Variants in SMIM14 observed in about 807,000 individuals in gnomAD.
SMIM14 encodes chromosome 4 open reading frame 34.
A neutral mutation model predicts 12.6 loss-of-function variants in SMIM14; 5 were observed. The ratio of observed to expected loss-of-function variants is 0.40; its 90% CI spans 0.21 to 0.83. SMIM14 has a LOEUF of 0.83. Among genes scored for constraint, SMIM14 ranks in the 40% least tolerant of loss-of-function variants. The pLI, the probability that SMIM14 is intolerant of heterozygous loss-of-function variation, is 0.37. For synonymous variants in SMIM14, 30 were observed against 40.1 expected (o/e 0.75, Z 0.95); for missense variants, 86 against 119.1 (o/e 0.72, Z 1.29).
intron 2 of SMIM14, 35 bp from the exon 3 acceptor site, chr4:39,572,498 A>G (rs1409023193): frequency 1.3e-6 from 2 of 1,558,154 alleles, no homozygotes; most frequent in South Asian, 2.2e-5. Flanking sequence ...TAGTGATTAG[A>G]CTTAAACAAA....
At chr4:39,621,331 GA>G (rs77631059) in intron 1 of SMIM14, among the ~76,000 whole-genome samples, 16,443 of 151,942 alleles carry the variant, frequency 0.11, 1,428 homozygotes, top group South Asian at 0.3. Context: ...AGAATTAGGG[GA>G]AAAAAACTCC....
At position 39,627,987 on chromosome 4, in the gene SMIM14, C is replaced by T. The variant is rs147522392; in HGVS notation, c.-36+10752G>A. ...AAGAGGGCACATGTCATCAGGACCTCCTGTGTCATGGAGAGAAAATTTTTT... is the reference window on the plus strand; with the variant it reads ...AAGAGGGCACATGTCATCAGGACCTTCTGTGTCATGGAGAGAAAATTTTTT... On this transcript the variant is annotated intron_variant, in intron 1 of 4. Transcript: ENST00000295958. 1.5e-3 allele frequency among the ~76,000 whole-genome samples: 234 copies of T among 152,258 alleles called. 3 individuals carry two copies. Among genetic ancestry groups the T allele is most frequent in the African/African-American group, 5.3e-3 (220 of 41,558 alleles).
At chr4:39,593,094 C>T (rs1307596077) in intron 2 of SMIM14, 4 of 151,642 alleles carry the variant, frequency 2.6e-5, no homozygotes, top group Non-Finnish European at 5.9e-5. Context: ...GGCAGAGACA[C>T]AACCAAAAAA....
At chr4:39,609,856 C>T (rs1217999187) in intron 1 of SMIM14, among the ~76,000 whole-genome samples, 2 of 152,150 alleles carry the variant, frequency 1.3e-5, no homozygotes, top group Non-Finnish European at 2.9e-5. Context: ...GCGACAACGG[C>T]GGGGCTCCTT....
intron 2 of SMIM14, among the ~76,000 whole-genome samples, chr4:39,584,726 G>A (rs1332205374): frequency 1.4e-5 from 2 of 139,058 alleles, no homozygotes; most frequent in African/African-American, 5.3e-5. Context: ...AACCTAGGAG[G>A]CAGAGGTTGC....
At position 39,638,810 on chromosome 4, in the gene SMIM14, G is replaced by T. The variant is rs1184330743; in HGVS notation, c.-107C>A. The T allele has an allele frequency of 2.0e-6, 2 of 985,690 alleles. No individual in the cohort carries two copies. The highest frequency in any genetic ancestry group is 3.5e-5 in the African/African-American group (2 of 57,246). 61.1% of individuals were successfully genotyped at this position (985,690 alleles called of 1,614,324 possible). A position where few individuals can be genotyped will look rare whatever the true frequency, so the allele number is the denominator to read the frequency against. On this transcript the variant is annotated 5_prime_UTR_variant, in exon 1 of 5. Coordinates refer to ENST00000295958, the MANE Select transcript of SMIM14 (RefSeq NM_174921.3). The stretch of plus-strand genomic sequence containing the variant: ...CGAGGCTCGGCAGAAAGACCGCCTG[G>T]AGCTTCCAGAAGGCTGCGGCTGCTC...
intron 2 of SMIM14, among the ~76,000 whole-genome samples, chr4:39,599,099 C>A (rs754819126): frequency 6.6e-6 from 1 of 152,216 alleles, no homozygotes; most frequent in Non-Finnish European, 1.5e-5. Context: ...TGGCTGGATA[C>A]AGAATGCTGG....
intron 2 of SMIM14, among the ~76,000 whole-genome samples, chr4:39,587,529 A>G (rs1319110982): frequency 6.6e-6 from 1 of 150,982 alleles, no homozygotes; most frequent in Non-Finnish European, 1.5e-5. Flanking sequence ...AAATTCTAGA[A>G]AGATGTGTGT....
chr4:39,592,267 CTT>C (rs34640338), intron 2 of SMIM14, among the ~76,000 whole-genome samples: 252 of 131,570 alleles, frequency 1.9e-3, no homozygotes, highest in African/African-American at 5.3e-3. Flanking sequence ...TCATTTGCCT[CTT>C]TTTTTTTTTT....
At chr4:39,634,833 T>TG (rs897065860) in intron 1 of SMIM14, among the ~76,000 whole-genome samples, 4 of 151,522 alleles carry the variant, frequency 2.6e-5, no homozygotes, top group Admixed American at 1.3e-4. Context: ...GACTTTTCCA[T>TG]GGGAAAAAAA....
intron 2 of SMIM14, among the ~76,000 whole-genome samples, chr4:39,583,448 A>G (rs1403202954): frequency 6.6e-6 from 1 of 152,008 alleles, no homozygotes; most frequent in Non-Finnish European, 1.5e-5. Context: ...CAGGTCATTC[A>G]TTCCAAATTG....
intron 3 of SMIM14, among the ~76,000 whole-genome samples, chr4:39,566,122 G>A (rs545301289): frequency 3.3e-5 from 5 of 150,608 alleles, no homozygotes; most frequent in South Asian, 2.1e-4. Context: ...ATTAACATAC[G>A]AGATGATGAT....
intron 3 of SMIM14, among the ~76,000 whole-genome samples, chr4:39,566,015 C>T (rs1712553629): frequency 6.6e-6 from 1 of 151,618 alleles, no homozygotes; most frequent in Non-Finnish European, 1.5e-5. Flanking sequence ...TCCAATAAAC[C>T]CTTTTCTTTC....
chr4:39,563,071 T>G (rs898215540), intron 3 of SMIM14, among the ~76,000 whole-genome samples: 7 of 151,976 alleles, frequency 4.6e-5, no homozygotes, highest in African/African-American at 1.7e-4. Flanking sequence ...TTTTTTTTAT[T>G]TTTTTTGAGA....
chr4:39,617,187 T>G (rs1267292503), intron 1 of SMIM14, among the ~76,000 whole-genome samples: 4 of 152,180 alleles, frequency 2.6e-5, no homozygotes, highest in Non-Finnish European at 5.9e-5. Flanking sequence ...AATGCTGATG[T>G]CAAAACTCCA....
chr4:39,554,329 C>T (rs1356655122), intron 4 of SMIM14, among the ~76,000 whole-genome samples: 2 of 152,100 alleles, frequency 1.3e-5, no homozygotes, highest in African/African-American at 4.8e-5. Context: ...AAAAATTAGC[C>T]AGGTGTGGTG....
intron 1 of SMIM14, among the ~76,000 whole-genome samples, chr4:39,626,932 G>T (rs1259964382): frequency 6.6e-6 from 1 of 152,136 alleles, no homozygotes; most frequent in African/African-American, 2.4e-5. Context: ...TTTCTCAGGT[G>T]CCTTAGTCTA....
intron 1 of SMIM14, among the ~76,000 whole-genome samples, chr4:39,638,008 ACT>A (rs1331638035): frequency 3.3e-5 from 5 of 151,906 alleles, no homozygotes; most frequent in African/African-American, 1.2e-4. Flanking sequence ...CATCCTACCG[ACT>A]CTCTACAGCT....
Position 39,556,559 on chromosome 4 carries a change from AG to A in SMIM14, c.135del (p.Ser46LeufsTer10). 6.2e-7 allele frequency: 1 copy of A among 1,606,514 alleles called. No individual in the cohort carries two copies. Among genetic ancestry groups the A allele is most frequent in the Non-Finnish European group, 8.5e-7 (1 of 1,178,102 alleles). Reference protein sequence around the residue: ...DTECLQELPGPSGDNGISVTM... With the variant: ...DTECLQELPGXSGDNGISVTM... ...GTAACACTGATGCCATTATCACCAGAGGGTCCCGGTACTAAAGACAAACAAA... is the reference window on the plus strand; with the variant it reads ...GTAACACTGATGCCATTATCACCAGAGGTCCCGGTACTAAAGACAAACAAA... On this transcript the variant is annotated frameshift_variant, in exon 4 of 5. Coordinates refer to ENST00000295958, the MANE Select transcript of SMIM14 (RefSeq NM_174921.3). LOFTEE classifies it high-confidence loss of function.
Sources: allele counts gnomAD v4.1 joint callset (sites outside exome capture counted in the v4.1 genomes callset), GRCh38; gene constraint gnomAD v4.1.1; transcripts MANE v1.5; gene names NCBI Gene and HGNC (gene_info 2026-07-23, HGNC 2026-07-21).